The following GLT6D1 variants were observed in gnomAD, a reference collection of about 807,000 sequenced individuals.
GLT6D1 encodes the protein glycosyltransferase 6 domain containing 1.
In GLT6D1, 9 loss-of-function variants were observed where a neutral mutation model predicts 12.3. The observed-to-expected ratio is 0.73, with a 90% CI of 0.44 to 1.27. GLT6D1 has a LOEUF of 1.27. Among genes scored for constraint, GLT6D1 ranks in the 50% most tolerant of loss-of-function variants. The pLI is 0.00. For synonymous variants in GLT6D1, 128 were observed against 132.3 expected, an observed-to-expected ratio of 0.97 and a Z score of 0.23; for missense variants, 335 against 346.2, an observed-to-expected ratio of 0.97 and a Z score of 0.26.
chr9:135,636,462 A>G (rs1340457719), intron 2 of GLT6D1, among the ~76,000 whole-genome samples: 1 of 152,172 alleles, frequency 6.6e-6, no homozygotes, highest in Non-Finnish European at 1.5e-5. Flanking sequence ...TGGGATATAG[A>G]TTATGTTCTC....
intron 2 of GLT6D1, among the ~76,000 whole-genome samples, chr9:135,633,259 C>A (rs1353294625): frequency 6.6e-6 from 1 of 151,608 alleles, no homozygotes; most frequent in Admixed American, 6.6e-5. Flanking sequence ...TTATTTTTAT[C>A]TTTATTTTGA....
At chr9:135,638,266 C>T (rs1833821923) in intron 2 of GLT6D1, among the ~76,000 whole-genome samples, 1 of 152,196 alleles carries the variant, frequency 6.6e-6, no homozygotes, top group Admixed American at 6.5e-5. Flanking sequence ...TCAATTACCT[C>T]CCCCGGGTCC....
chr9:135,637,931 G>A (rs1537414), intron 2 of GLT6D1, among the ~76,000 whole-genome samples: 47 of 152,136 alleles, frequency 3.1e-4, no homozygotes, highest in African/African-American at 1.1e-3. Flanking sequence ...TGCTTATGAA[G>A]AAGACCATGA....
intron 2 of GLT6D1, 58 bp from the exon 3 acceptor site, chr9:135,631,536 C>T: frequency 7.7e-7 from 1 of 1,297,734 alleles, no homozygotes; most frequent in Admixed American, 1.7e-5. Context: ...TTTATTGAGC[C>T]TGTGATAGGC....
chr9:135,625,675 A>C (rs1033589743), intron 4 of GLT6D1, among the ~76,000 whole-genome samples: 2 of 152,220 alleles, frequency 1.3e-5, no homozygotes, highest in Non-Finnish European at 2.9e-5. Flanking sequence ...AAAATGCAGC[A>C]AGACCACCCT....
intron 3 of GLT6D1, among the ~76,000 whole-genome samples, chr9:135,630,418 AAAAG>A (rs961820746): frequency 6.6e-6 from 1 of 151,952 alleles, no homozygotes; most frequent in African/African-American, 2.4e-5. Context: ...AAAAAAAAAA[AAAAG>A]AAGACTACAC....
At position 135,624,896 on chromosome 9, in the gene GLT6D1, A is replaced by ATT. The variant is rs397894316; in HGVS notation, c.258-228_258-227dup. Among the ~76,000 whole-genome samples, 579 of 126,096 alleles carry ATT rather than the reference A, an allele frequency of 4.6e-3. 4 individuals carry two copies. The highest frequency in any genetic ancestry group is 0.01 in the South Asian group (38 of 3,698). 82.7% of individuals were successfully genotyped at this position (126,096 alleles called of 152,430 possible). A position where few individuals can be genotyped will look rare whatever the true frequency, so the allele number is the denominator to read the frequency against. ...AGGCACCTGCCACCACGCCCAGGTAATTTTTTTTTTTTTTTTTTTGTATTT... is the reference window on the plus strand; with the variant it reads ...AGGCACCTGCCACCACGCCCAGGTAATTTTTTTTTTTTTTTTTTTTTGTATTT... On this transcript the variant is annotated intron_variant, in intron 4 of 4. Transcript: ENST00000371763.
intron 4 of GLT6D1, among the ~76,000 whole-genome samples, chr9:135,625,343 G>A (rs1292403133): frequency 6.6e-6 from 1 of 152,136 alleles, no homozygotes; most frequent in African/African-American, 2.4e-5. Flanking sequence ...TTTTGTACAG[G>A]ACAGCCAGAA....
rs756214711 is a variant in GLT6D1 at position 135,626,076 on chromosome 9, T to C, written c.250A>G (p.Thr84Ala). ...AAGGTGAGTGGCACCTACCTGCCAGTAGCAAAGACGGCCAGGCCCACAGTG... is the reference window on the plus strand; with the variant it reads ...AAGGTGAGTGGCACCTACCTGCCAGCAGCAAAGACGGCCAGGCCCACAGTG... The part of the protein sequence containing the change: ...NITVGLAVFA[T>A]GRFAEEYLRP... Residue 84 changes from threonine to alanine, a missense_variant, in exon 4 of 5, where the codon ACT becomes GCT. By Grantham distance (58) the Thr-to-Ala change is moderately conservative (BLOSUM62 0). Coordinates refer to ENST00000371763, the MANE Select transcript of GLT6D1 (RefSeq NM_182974.3). 3.7e-6 allele frequency: 6 copies of C among 1,613,948 alleles called. No homozygotes were observed. The Admixed American group carries it at 5.0e-5, about 13-fold the overall frequency.
chr9:135,628,473 C>G (rs1833566599), intron 3 of GLT6D1, among the ~76,000 whole-genome samples: 1 of 151,932 alleles, frequency 6.6e-6, no homozygotes, highest in Non-Finnish European at 1.5e-5. Context: ...TTATATGTTG[C>G]TGGATTCAGT....
At position 135,639,399 on chromosome 9, in the gene GLT6D1, A is replaced by C. The variant is rs1833846619; in HGVS notation, c.-113T>G. On this transcript the variant is annotated 5_prime_UTR_variant, in exon 1 of 5. Transcript: ENST00000371763. ...CGGGGCTGACTGTTCCCCGTGGGTCAGCTGCACGTGCACTGTCTCTCCCCG... is the reference window on the plus strand; with the variant it reads ...CGGGGCTGACTGTTCCCCGTGGGTCCGCTGCACGTGCACTGTCTCTCCCCG... The C allele has an allele frequency of 6.5e-6, 3 of 461,268 alleles. No individual in the cohort carries two copies. The highest frequency in any genetic ancestry group is 1.2e-5 in the Non-Finnish European group (3 of 257,926). 28.6% of individuals were successfully genotyped at this position (461,268 alleles called of 1,614,324 possible).
intron 3 of GLT6D1, among the ~76,000 whole-genome samples, chr9:135,626,577 C>G (rs1361178395): frequency 6.6e-6 from 1 of 152,196 alleles, no homozygotes; most frequent in Non-Finnish European, 1.5e-5. Flanking sequence ...AGCCGGGAGT[C>G]AGAACACTCT....
At chr9:135,637,633 C>T (rs1054446366) in intron 2 of GLT6D1, among the ~76,000 whole-genome samples, 4 of 152,126 alleles carry the variant, frequency 2.6e-5, no homozygotes, top group African/African-American at 4.8e-5. Context: ...TTGCAATTTC[C>T]TGATGACAAA....
At chr9:135,631,335 GA>G in intron 3 of GLT6D1, 95 bp downstream of exon 3, 2 of 951,566 alleles carry the variant, frequency 2.1e-6, no homozygotes, top group South Asian at 1.3e-5. Flanking sequence ...AACGTCCCAG[GA>G]GAGCTGAATT....
intron 2 of GLT6D1, among the ~76,000 whole-genome samples, chr9:135,636,811 G>T (rs1833784984): frequency 6.6e-6 from 1 of 152,050 alleles, no homozygotes. Flanking sequence ...ATGCATTTAG[G>T]GTTCCTCCAT....
At chr9:135,634,497 T>G (rs1201282165) in intron 2 of GLT6D1, among the ~76,000 whole-genome samples, 1 of 140,688 alleles carries the variant, frequency 7.1e-6, no homozygotes, top group African/African-American at 2.6e-5. Context: ...TTTCCCCTTT[T>G]TTGTTTCAAT....
chr9:135,633,754 G>A (rs1441234857), intron 2 of GLT6D1, among the ~76,000 whole-genome samples: 1 of 151,918 alleles, frequency 6.6e-6, no homozygotes, highest in Non-Finnish European at 1.5e-5. Context: ...CCCAACCAGT[G>A]AATAACTCCT....
upstream of GLT6D1, among the ~76,000 whole-genome samples, chr9:135,640,116 T>G (rs1411792803): frequency 6.6e-6 from 1 of 152,160 alleles, no homozygotes; most frequent in Non-Finnish European, 1.5e-5. Flanking sequence ...ACATGACACT[T>G]TAGCTCTGCA....
intron 3 of GLT6D1, 142 bp from the exon 4 acceptor site, chr9:135,626,348 C>G: frequency 1.2e-6 from 1 of 806,214 alleles, no homozygotes; most frequent in Non-Finnish European, 2.0e-6. Context: ...CTGGATTCAT[C>G]CTTGCAACGC....
Sources: gnomAD v4.1 joint callset for allele counts (sites outside exome capture counted in the v4.1 genomes callset) on GRCh38, gnomAD v4.1.1 for gene constraint, MANE v1.5 for transcripts, NCBI Gene and HGNC (gene_info 2026-07-23, HGNC 2026-07-21) for gene names.